MOV10L1: variants seen among roughly 807,000 people sequenced by gnomAD.
The protein encoded by MOV10L1 is Mov10 like RNA helicase 1, also known as RNA helicase Mov10l1.
MOV10L1 carries 110 observed loss-of-function variants against 143.8 expected under a neutral mutation model. The ratio of observed to expected loss-of-function variants is 0.76; its 90% CI spans 0.66 to 0.90. The LOEUF is 0.90. Among genes scored for constraint, MOV10L1 ranks in the 40% least tolerant of loss-of-function variants. MOV10L1 has a pLI of 0.00. For missense variants in MOV10L1, 1,406 were observed against 1,526.8 expected (o/e 0.92, Z 1.32); for synonymous variants, 593 against 581.1 (o/e 1.02, Z -0.29).
intron 15 of MOV10L1, among the ~76,000 whole-genome samples, chr22:50,134,937 C>G (rs905057312): frequency 6.6e-6 from 1 of 152,052 alleles, no homozygotes; most frequent in African/African-American, 2.4e-5. Context: ...AAGATGGCTA[C>G]AATATATTAA....
Position 50,120,874 on chromosome 22 carries a change from G to A in MOV10L1, c.1569+258G>A, listed in dbSNP as rs552487453. 3.3e-5 allele frequency among the ~76,000 whole-genome samples: 5 copies of A among 152,370 alleles called. No homozygotes were observed. In the South Asian group the frequency reaches 8.3e-4, roughly 25 times the overall value. ...ACGCACAGGGCCTTTGGGGTCTGGA[G>A]CAGAAGAACTGAGGGATACCTCTGC... On this transcript the variant is annotated intron_variant, in intron 10 of 26. Coordinates refer to ENST00000262794, the MANE Select transcript of MOV10L1 (RefSeq NM_018995.3).
chr22:50,113,171 C>T (rs911932325), intron 5 of MOV10L1, among the ~76,000 whole-genome samples: 3 of 152,128 alleles, frequency 2.0e-5, no homozygotes, highest in Admixed American at 6.5e-5. Flanking sequence ...AAGGTAAAAT[C>T]TCATCTTCTC....
At chr22:50,139,923 C>T (rs2062932883) in intron 15 of MOV10L1, among the ~76,000 whole-genome samples, 1 of 152,158 alleles carries the variant, frequency 6.6e-6, no homozygotes, top group South Asian at 2.1e-4. Context: ...GAGTGGCACA[C>T]CACTGTGCAA....
intron 21 of MOV10L1, 60 bp downstream of exon 21, chr22:50,150,959 A>T: frequency 1.9e-6 from 3 of 1,598,152 alleles, no homozygotes; most frequent in Non-Finnish European, 2.6e-6. Flanking sequence ...GCTCCAGGGC[A>T]GTCGAGCAGC....
At chr22:50,144,581 T>C (rs2063084820) in intron 18 of MOV10L1, among the ~76,000 whole-genome samples, 1 of 141,008 alleles carries the variant, frequency 7.1e-6, no homozygotes, top group African/African-American at 2.5e-5. Context: ...TTTTTTGTTT[T>C]GTTTTGTTTT....
chr22:50,133,006 G>T (rs2062718239), intron 13 of MOV10L1, among the ~76,000 whole-genome samples: 1 of 151,898 alleles, frequency 6.6e-6, no homozygotes, highest in Non-Finnish European at 1.5e-5. Context: ...ACTCATTCCA[G>T]CCTGGGCGAC....
chr22:50,105,890 C>T (rs772079373), intron 3 of MOV10L1, among the ~76,000 whole-genome samples: 2 of 152,146 alleles, frequency 1.3e-5, no homozygotes, highest in Non-Finnish European at 2.9e-5. Context: ...GGAACTTGTA[C>T]GTGCTTGTCT....
At chr22:50,144,669 C>T (rs1188604998) in intron 18 of MOV10L1, among the ~76,000 whole-genome samples, 1 of 151,934 alleles carries the variant, frequency 6.6e-6, no homozygotes, top group Non-Finnish European at 1.5e-5. Flanking sequence ...GCAAGCTCCG[C>T]CTCCCAGGTT....
Position 50,108,672 on chromosome 22 carries a change from C to T in MOV10L1, c.571C>T (p.Leu191Phe), listed in dbSNP as rs182796919. ...CTGCTCCCAGGTCTGCATCTCTAGC[C>T]TCTGTGGAAGGAACGGGGTGTTAGA... ...KRVDKVCISS[L>F]CGRNGVLEES... Residue 191 changes from leucine to phenylalanine, a missense_variant, in exon 5 of 27, where the codon CTC becomes TTC. Coordinates refer to ENST00000262794, the MANE Select transcript of MOV10L1 (RefSeq NM_018995.3). The T allele has an allele frequency of 9.3e-6, 15 of 1,614,094 alleles. 1 individual carries two copies. In the Admixed American group the frequency reaches 2.3e-4, roughly 25 times the overall value.
At position 50,138,339 on chromosome 22, in the gene MOV10L1, A is replaced by T. The variant is rs1487413939; in HGVS notation, c.2070+3709A>T. On this transcript the variant is annotated intron_variant, in intron 15 of 26. Transcript: ENST00000262794. ...AATTCCAGCACTTTGGGAGGCTGAG[A>T]TGGGAAAATCACTGAGAACAGCCTG... Among the ~76,000 whole-genome samples, 4 of 152,218 alleles carry T rather than the reference A, an allele frequency of 2.6e-5. No homozygotes were observed. The East Asian group carries it at 7.7e-4, about 29-fold the overall frequency.
rs2062577931 is a variant in MOV10L1 at position 50,128,515 on chromosome 22, T to G, written c.1910+8T>G. ...GGAATTTACATATAATAGGTAATGC[T>G]TTTAGTGAGTCTTCTTTCAAATGTC... On this transcript the variant is annotated splice_region_variant and intron_variant, in intron 13 of 26. Coordinates refer to ENST00000262794, the MANE Select transcript of MOV10L1 (RefSeq NM_018995.3). 7.7e-7 allele frequency: 1 copy of G among 1,298,960 alleles called. No individual in the cohort carries two copies. Among genetic ancestry groups the G allele is most frequent in the African/African-American group, 1.5e-5 (1 of 66,500 alleles). The allele number at this position is 1,298,960 out of a possible 1,614,324, so 80.5% of individuals were successfully genotyped here.
intron 2 of MOV10L1, among the ~76,000 whole-genome samples, chr22:50,097,966 T>A (rs1362256866): frequency 2.0e-5 from 3 of 152,080 alleles, no homozygotes; most frequent in Admixed American, 2.0e-4. Flanking sequence ...CCCAAGTAGC[T>A]GGGACTGCAG....
intron 2 of MOV10L1, among the ~76,000 whole-genome samples, chr22:50,097,065 T>C (rs1425719429): frequency 6.6e-6 from 1 of 152,222 alleles, no homozygotes; most frequent in African/African-American, 2.4e-5. Context: ...AAGATTTTTT[T>C]CTACCAAGAG....
chr22:50,157,676 G>GTCTTTTA (rs942190754), intron 22 of MOV10L1, among the ~76,000 whole-genome samples: 85 of 148,164 alleles, frequency 5.7e-4, no homozygotes, highest in African/African-American at 2.1e-3. Context: ...CTATATGTCT[G>GTCTTTTA]TCTTTTATGT....
intron 5 of MOV10L1, among the ~76,000 whole-genome samples, chr22:50,112,428 C>T (rs546485124): frequency 6.6e-6 from 1 of 152,376 alleles, no homozygotes; most frequent in African/African-American, 2.4e-5. Context: ...CCCATTCTTG[C>T]ATCAGGCCCA....
intron 2 of MOV10L1, among the ~76,000 whole-genome samples, chr22:50,098,372 T>C (rs2147037898): frequency 6.6e-6 from 1 of 151,824 alleles, no homozygotes; most frequent in Non-Finnish European, 1.5e-5. Flanking sequence ...GTTGTCTTGC[T>C]GTTTATTGAG....
At chr22:50,144,395 C>T in intron 18 of MOV10L1, 152 bp downstream of exon 18, 4 of 918,360 alleles carry the variant, frequency 4.4e-6, no homozygotes, top group Non-Finnish European at 6.3e-6. Context: ...ATGGGCCCTC[C>T]CTCACCGCTA....
rs751482988 is a variant in MOV10L1, at chr22:50,161,479, G to T, written c.*30G>T. ...CAGTGGCTGACAGCAGGGAGGCCATGTGCTCAGCCTGGCCACGTTGCCGTT... is the reference window on the plus strand; with the variant it reads ...CAGTGGCTGACAGCAGGGAGGCCATTTGCTCAGCCTGGCCACGTTGCCGTT... On this transcript the variant is annotated 3_prime_UTR_variant, in exon 27 of 27. Coordinates refer to ENST00000262794, the MANE Select transcript of MOV10L1 (RefSeq NM_018995.3). 20 of 1,558,504 alleles carry T rather than the reference G, an allele frequency of 1.3e-5. No individual in the cohort carries two copies. Among genetic ancestry groups the T allele is most frequent in the Non-Finnish European group, 1.7e-5 (20 of 1,150,660 alleles).
intron 10 of MOV10L1, among the ~76,000 whole-genome samples, chr22:50,120,868 T>C (rs2062321178): frequency 6.6e-6 from 1 of 151,986 alleles, no homozygotes; most frequent in Non-Finnish European, 1.5e-5. Context: ...GCCTTTGGGG[T>C]CTGGAGCAGA....
Sources: gnomAD v4.1 joint callset for allele counts (sites outside exome capture counted in the v4.1 genomes callset) on GRCh38, gnomAD v4.1.1 for gene constraint, MANE v1.5 for transcripts, NCBI Gene and HGNC (gene_info 2026-07-23, HGNC 2026-07-21) for gene names.